Variants in VPS53 observed in about 807,000 individuals in gnomAD.
VPS53 encodes vacuolar protein sorting-associated protein 53 homolog.
A neutral mutation model predicts 107.0 loss-of-function variants in VPS53; 70 were observed. The ratio of observed to expected loss-of-function variants is 0.65; its 90% CI spans 0.54 to 0.80. The LOEUF is 0.80. VPS53 is among the 30% of genes least tolerant of loss of function. VPS53 has a pLI of 0.00. For missense variants in VPS53, 917 were observed against 1,049.4 expected, an observed-to-expected ratio of 0.87 and a Z score of 1.74; for synonymous variants, 409 against 393.3, an observed-to-expected ratio of 1.04 and a Z score of -0.47.
rs751687968 is a variant in VPS53 at position 699,339 on chromosome 17, C to A, written c.210G>T (p.Leu70=). ...CACACAGCTTTACTCACCTTATTTT[C>A]AGCCTAATTTTGTTCACGACTTCGT... The part of the protein sequence containing the change: ...NIDEVVNKIR[L]KIRRLDDNIR... Residue 70 remains leucine, a synonymous_variant, in exon 3 of 22, where the codon CTG becomes CTT. Coordinates refer to ENST00000437048, the MANE Select transcript of VPS53 (RefSeq NM_001128159.3). 6.3e-7 allele frequency: 1 copy of A among 1,576,990 alleles called. No individual in the cohort carries two copies. The highest frequency in any genetic ancestry group is 1.2e-5 in the South Asian group (1 of 84,316).
chr17:703,567 T>C (rs1455361145), intron 2 of VPS53, among the ~76,000 whole-genome samples: 1 of 152,228 alleles, frequency 6.6e-6, no homozygotes, highest in Non-Finnish European at 1.5e-5. Context: ...GCTTTGAGAA[T>C]CACTCATCTC....
chr17:595,096 C>A (rs1445059280), intron 12 of VPS53, among the ~76,000 whole-genome samples: 2 of 90,766 alleles, frequency 2.2e-5, no homozygotes, highest in Non-Finnish European at 4.6e-5. Flanking sequence ...TTTGATGATG[C>A]ACTCTAGTGT....
At chr17:653,063 G>A (rs1270215201) in intron 7 of VPS53, among the ~76,000 whole-genome samples, 3 of 152,162 alleles carry the variant, frequency 2.0e-5, no homozygotes, top group Admixed American at 6.5e-5. Flanking sequence ...TTTAGCTGCC[G>A]GATCTGCGGA....
chr17:623,713 GA>G, intron 10 of VPS53, 39 bp from the exon 11 acceptor site: 1 of 1,574,266 alleles, frequency 6.4e-7, no homozygotes, highest in Non-Finnish European at 8.7e-7. Flanking sequence ...CAAACAAGCT[GA>G]TCATTCATTC....
chr17:519,384 A>G lies in VPS53; in HGVS notation c.2329-86T>C. The G allele has an allele frequency of 7.5e-7, 1 of 1,328,148 alleles. No homozygotes were observed. The highest frequency in any genetic ancestry group is 9.9e-7 in the Non-Finnish European group (1 of 1,008,058). 82.3% of individuals were successfully genotyped at this position (1,328,148 alleles called of 1,614,324 possible). ...CAGCGCAGTATCTGGATATGGGGTC[A>G]GCAGAGGCTCTGGAGACAGCATAGT... On this transcript the variant is annotated intron_variant, in intron 21 of 21. Transcript: ENST00000437048. The surrounding 1 kb of genome is among the most constrained non-coding windows in gnomAD (Gnocchi z 5.0).
chr17:581,351 C>A (rs1015288255), intron 13 of VPS53, among the ~76,000 whole-genome samples: 1 of 151,702 alleles, frequency 6.6e-6, no homozygotes, highest in African/African-American at 2.4e-5. Context: ...TCCCTAAGAA[C>A]CTAATTCGTT....
At chr17:661,262 C>G (rs551078173) in intron 5 of VPS53, among the ~76,000 whole-genome samples, 1 of 151,956 alleles carries the variant, frequency 6.6e-6, no homozygotes, top group African/African-American at 2.4e-5. Context: ...TGGCTCACAC[C>G]TGTAATCCCA....
rs571481582 is a variant in VPS53, at chr17:705,744, A to G, written c.168+4789T>C. On this transcript the variant is annotated intron_variant, in intron 2 of 21. Coordinates refer to ENST00000437048, the MANE Select transcript of VPS53 (RefSeq NM_001128159.3). ...ACAAAGCAAGACTCCATCTCAAAAT[A>G]ATAATAATACTCAGCTGGGTGTGGT... The G allele has an allele frequency of 2.0e-5, 3 of 152,288 alleles. No individual in the cohort carries two copies. The South Asian group carries it at 6.2e-4, about 32-fold the overall frequency. The allele number at this position is 152,288 out of a possible 1,614,324, so 9.4% of individuals were successfully genotyped here.
chr17:613,403 A>G (rs1427799974), intron 11 of VPS53, among the ~76,000 whole-genome samples: 1 of 152,254 alleles, frequency 6.6e-6, no homozygotes, highest in African/African-American at 2.4e-5. Context: ...TAGTGAATTC[A>G]CACAGTGAAA....
Position 524,052 on chromosome 17 carries a change from A to C in VPS53, c.2086-2314T>G, listed in dbSNP as rs1197521694. On this transcript the variant is annotated intron_variant, in intron 19 of 21. Coordinates refer to ENST00000437048, the MANE Select transcript of VPS53 (RefSeq NM_001128159.3). The surrounding 1 kb of genome is among the most constrained non-coding windows in gnomAD (Gnocchi z 4.5). ...AGTGGCTCATGCCTGTAATCCCAGC[A>C]TTTTGGGAGGCCGAGGCGGGTGGAT... Among the ~76,000 whole-genome samples, 1 of 152,122 alleles carries C rather than the reference A, an allele frequency of 6.6e-6. No individual in the cohort carries two copies. Among genetic ancestry groups the C allele is most frequent in the African/African-American group, 2.4e-5 (1 of 41,422 alleles).
chr17:679,729 T>A (rs1972316331), intron 4 of VPS53, among the ~76,000 whole-genome samples: 1 of 152,150 alleles, frequency 6.6e-6, no homozygotes, highest in Non-Finnish European at 1.5e-5. Context: ...TGATAATGGG[T>A]CAATTGTTTC....
chr17:691,628 T>C (rs1229605500), intron 4 of VPS53, among the ~76,000 whole-genome samples: 1 of 152,212 alleles, frequency 6.6e-6, no homozygotes, highest in African/African-American at 2.4e-5. Flanking sequence ...AAATTTTAAA[T>C]TATGCGCCAT....
chr17:655,766 T>C (rs1483726092), intron 6 of VPS53, 72 bp downstream of exon 6: 9 of 1,376,200 alleles, frequency 6.5e-6, no homozygotes, highest in Admixed American at 2.2e-5. Flanking sequence ...GAGAAGTAAA[T>C]AGGCGACAAC....
At chr17:642,521 A>G (rs1970466206) in intron 7 of VPS53, among the ~76,000 whole-genome samples, 1 of 151,440 alleles carries the variant, frequency 6.6e-6, no homozygotes, top group Admixed American at 6.6e-5. Flanking sequence ...GACAACACTC[A>G]TACTTGGAAA....
At chr17:547,217 G>A (rs1045122019) in intron 17 of VPS53, among the ~76,000 whole-genome samples, 3 of 152,038 alleles carry the variant, frequency 2.0e-5, no homozygotes, top group Admixed American at 6.6e-5. Context: ...ATGTTCACAC[G>A]AAAAATTGTA....
rs567091343 is a variant in VPS53, at chr17:608,805, CA to C, written c.1117-6910del. Among the ~76,000 whole-genome samples the C allele has an allele frequency of 5.9e-5, 9 of 151,846 alleles. No homozygotes were observed. In the South Asian group the frequency reaches 6.2e-4, roughly 11 times the overall value. On this transcript the variant is annotated intron_variant, in intron 11 of 21. Transcript: ENST00000437048. Reference sequence around the variant, plus strand: ...TCATTTTAAAATTTTTTTTTAGAGACAGGGTCTTCGTGGCCCAGGCTGGTCT... The same window carrying C: ...TCATTTTAAAATTTTTTTTTAGAGACGGGTCTTCGTGGCCCAGGCTGGTCT...
Position 591,089 on chromosome 17 carries a change from T to C in VPS53, c.1219-4725A>G, listed in dbSNP as rs571056509. Reference sequence around the variant, plus strand: ...TTGGTCTATTCAGAGATTCAACTTCTTCCTGGTTTAGTTTTGGGAGAGTGT... The same window carrying C: ...TTGGTCTATTCAGAGATTCAACTTCCTCCTGGTTTAGTTTTGGGAGAGTGT... On this transcript the variant is annotated intron_variant, in intron 12 of 21. Transcript: ENST00000437048. Among the ~76,000 whole-genome samples, 11 of 152,344 alleles carry C rather than the reference T, an allele frequency of 7.2e-5. No homozygotes were observed. In the East Asian group the frequency reaches 1.3e-3, roughly 19 times the overall value.
At chr17:601,935 C>A (rs759715720) in intron 11 of VPS53, 39 bp from the exon 12 acceptor site, 1 of 1,416,084 alleles carries the variant, frequency 7.1e-7, no homozygotes, top group Non-Finnish European at 9.6e-7. Flanking sequence ...GTTTTCTGAG[C>A]ATATTCAATA....
At chr17:536,580 G>A (rs554445033) in intron 18 of VPS53, 1 of 163,330 alleles carries the variant, frequency 6.1e-6, no homozygotes, top group African/African-American at 2.4e-5. Flanking sequence ...TTAAGTAGCA[G>A]ATTTAGTTTT....
Sources: gnomAD v4.1 joint callset for allele counts (sites outside exome capture counted in the v4.1 genomes callset) on GRCh38, gnomAD v4.1.1 for gene constraint, Gnocchi (gnomAD v3.1) non-coding constraint, MANE v1.5 for transcripts, NCBI Gene and HGNC (gene_info 2026-07-23, HGNC 2026-07-21) for gene names.